The following PLXDC2 variants were observed in gnomAD, a reference collection of about 807,000 sequenced individuals.
PLXDC2 encodes plexin domain-containing protein 2.
Under a neutral mutation model 68.9 loss-of-function variants are expected in PLXDC2, and 40 were observed. That is an observed-to-expected ratio of 0.58 (90% CI 0.45 to 0.76). The LOEUF (loss-of-function observed/expected upper bound fraction) is 0.76, where lower values mean the gene tolerates loss of function less well. PLXDC2 is among the 30% of genes least tolerant of loss of function. The pLI, the probability that PLXDC2 is intolerant of heterozygous loss-of-function variation, is 0.00. For synonymous variants in PLXDC2, 243 were observed against 234.2 expected, an observed-to-expected ratio of 1.04 and a Z score of -0.34; for missense variants, 644 against 661.9, an observed-to-expected ratio of 0.97 and a Z score of 0.30.
intron 2 of PLXDC2, among the ~76,000 whole-genome samples, chr10:20,028,147 G>A (rs1199305886): frequency 6.6e-6 from 1 of 152,188 alleles, no homozygotes; most frequent in African/African-American, 2.4e-5. Flanking sequence ...GCTAATTGGT[G>A]TTACTTGCTT....
At chr10:20,119,079 A>C (rs1245436419) in intron 4 of PLXDC2, among the ~76,000 whole-genome samples, 1 of 152,178 alleles carries the variant, frequency 6.6e-6, no homozygotes, top group Non-Finnish European at 1.5e-5. Flanking sequence ...TGAGAAAACC[A>C]TGAACCTGAG....
At chr10:20,201,665 G>A (rs1048764127) in intron 9 of PLXDC2, among the ~76,000 whole-genome samples, 16 of 151,942 alleles carry the variant, frequency 1.1e-4, no homozygotes, top group African/African-American at 3.1e-4. Flanking sequence ...TGTTTGAGAC[G>A]ATGGATATGC....
chr10:20,048,298 G>A (rs989213009), intron 3 of PLXDC2, among the ~76,000 whole-genome samples: 7 of 151,908 alleles, frequency 4.6e-5, no homozygotes, highest in Admixed American at 2.0e-4. Flanking sequence ...CTGAATTTTC[G>A]GTGTAGAGCA....
intron 1 of PLXDC2, among the ~76,000 whole-genome samples, chr10:19,870,297 T>G (rs1837511011): frequency 6.6e-6 from 1 of 152,222 alleles, no homozygotes; most frequent in Non-Finnish European, 1.5e-5. Flanking sequence ...AAATGTGACA[T>G]CTGTTCTTCA....
chr10:20,101,346 G>A (rs1157176813), intron 4 of PLXDC2, among the ~76,000 whole-genome samples: 4 of 152,250 alleles, frequency 2.6e-5, no homozygotes, highest in East Asian at 1.9e-4. Context: ...CCTGTCAACT[G>A]TAGTCAATCG....
chr10:20,252,661 T>C (rs1003413362), intron 13 of PLXDC2, among the ~76,000 whole-genome samples: 9 of 152,210 alleles, frequency 5.9e-5, no homozygotes, highest in Admixed American at 2.0e-4. Flanking sequence ...ATGTGTTTAA[T>C]ATTTGTTGAG....
chr10:19,852,201 C>T (rs949224443), intron 1 of PLXDC2, among the ~76,000 whole-genome samples: 5 of 151,870 alleles, frequency 3.3e-5, no homozygotes, highest in Admixed American at 6.6e-5. Flanking sequence ...ACCAGGATTT[C>T]GAGACCAGCC....
Position 19,817,001 on chromosome 10 carries a change from C to T in PLXDC2, c.-79C>T, listed in dbSNP as rs866426031. On this transcript the variant is annotated 5_prime_UTR_variant, in exon 1 of 14. Coordinates refer to ENST00000377252, the MANE Select transcript of PLXDC2 (RefSeq NM_032812.9). ...CGAGACCGATCCGCAGCGTTTGGCC[C>T]GGTCGTGCCTATTGCATCGGGAGCC... is the stretch of plus-strand genomic sequence containing the variant. 5.6e-6 allele frequency: 6 copies of T among 1,062,998 alleles called. No individual in the cohort carries two copies. Among genetic ancestry groups the T allele is most frequent in the Middle Eastern group, 2.2e-4 (1 of 4,478 alleles). 65.8% of individuals were successfully genotyped at this position (1,062,998 alleles called of 1,614,324 possible).
chr10:19,847,925 C>A (rs1162794843), intron 1 of PLXDC2, among the ~76,000 whole-genome samples: 1 of 152,142 alleles, frequency 6.6e-6, no homozygotes, highest in Admixed American at 6.6e-5. Context: ...GTGTGCCTAA[C>A]CATAGAACTA....
chr10:19,899,499 G>T (rs1838122773), intron 1 of PLXDC2, among the ~76,000 whole-genome samples: 1 of 152,096 alleles, frequency 6.6e-6, no homozygotes, highest in Non-Finnish European at 1.5e-5. Context: ...TTTTTTGATT[G>T]CACGTATTAT....
intron 9 of PLXDC2, among the ~76,000 whole-genome samples, chr10:20,194,541 T>C (rs1378228862): frequency 6.6e-6 from 1 of 152,080 alleles, no homozygotes; most frequent in East Asian, 1.9e-4. Context: ...TAATTTAATC[T>C]GGTGCTTAGA....
chr10:19,955,801 T>G (rs1288070233), intron 1 of PLXDC2, among the ~76,000 whole-genome samples: 1 of 152,188 alleles, frequency 6.6e-6, no homozygotes, highest in Non-Finnish European at 1.5e-5. Context: ...CATTCTTGGC[T>G]GGGCGTGGTG....
At chr10:20,156,028 T>C (rs1236801874) in intron 6 of PLXDC2, among the ~76,000 whole-genome samples, 1 of 152,092 alleles carries the variant, frequency 6.6e-6, no homozygotes, top group Admixed American at 6.6e-5. Flanking sequence ...TACAGGTGCA[T>C]GCCACCATGC....
At position 20,060,220 on chromosome 10, in the gene PLXDC2, G is replaced by T. The variant is rs977386527; in HGVS notation, c.472-7950G>T. ...TCTTTTTTATTTTTGTAGAGACAGG[G>T]TCTTGCTATTTTGCCTAGGCTGGTG... On this transcript the variant is annotated intron_variant, in intron 3 of 13. Coordinates refer to ENST00000377252, the MANE Select transcript of PLXDC2 (RefSeq NM_032812.9). Among the ~76,000 whole-genome samples the T allele has an allele frequency of 5.3e-5, 8 of 151,996 alleles. No individual in the cohort carries two copies. The South Asian group carries it at 1.0e-3, about 20-fold the overall frequency.
chr10:19,842,897 T>C (rs945495703), intron 1 of PLXDC2, among the ~76,000 whole-genome samples: 1 of 152,206 alleles, frequency 6.6e-6, no homozygotes, highest in South Asian at 2.1e-4. Context: ...TCTGATATGA[T>C]GTAAACAAAT....
At chr10:20,165,269 T>C (rs1010597981) in intron 7 of PLXDC2, among the ~76,000 whole-genome samples, 1 of 151,446 alleles carries the variant, frequency 6.6e-6, no homozygotes, top group Admixed American at 6.6e-5. Context: ...TGTGCTATCT[T>C]TTTTTTTTCT....
At chr10:19,882,868 GCTTGAGT>G (rs1329885841) in intron 1 of PLXDC2, among the ~76,000 whole-genome samples, 2 of 151,636 alleles carry the variant, frequency 1.3e-5, no homozygotes, top group Non-Finnish European at 2.9e-5. Context: ...GGTTGCTTGT[GCTTGAGT>G]CTTGGTTTTG....
intron 3 of PLXDC2, among the ~76,000 whole-genome samples, chr10:20,055,701 A>G (rs1203933437): frequency 6.6e-6 from 1 of 152,100 alleles, no homozygotes; most frequent in Non-Finnish European, 1.5e-5. Context: ...CTCAAGTTTG[A>G]TAACAGATTG....
At chr10:20,041,408 C>G (rs1176178955) in intron 2 of PLXDC2, among the ~76,000 whole-genome samples, 2 of 151,974 alleles carry the variant, frequency 1.3e-5, no homozygotes, top group Non-Finnish European at 1.5e-5. Flanking sequence ...GAATTTTTTT[C>G]CTCCATATAG....
Sources: allele counts gnomAD v4.1 joint callset (sites outside exome capture counted in the v4.1 genomes callset), GRCh38; gene constraint gnomAD v4.1.1; transcripts MANE v1.5; gene names NCBI Gene and HGNC (gene_info 2026-07-23, HGNC 2026-07-21).